Variants in SMYD3 observed in about 807,000 individuals in gnomAD.
SMYD3 encodes the protein histone-lysine N-methyltransferase SMYD3.
Under a neutral mutation model 57.7 loss-of-function variants are expected in SMYD3, and 36 were observed. The ratio of observed to expected loss-of-function variants is 0.62; its 90% confidence interval spans 0.48 to 0.82. SMYD3 has a LOEUF of 0.82. Ranked by LOEUF, SMYD3 falls within the 40% of genes least tolerant of loss-of-function variation. SMYD3 has a pLI of 0.00. For synonymous variants in SMYD3, 211 were observed against 195.0 expected (o/e 1.08, Z -0.68); for missense variants, 515 against 538.8 (o/e 0.96, Z 0.44).
intron 8 of SMYD3, among the ~76,000 whole-genome samples, chr1:245,878,204 G>A (rs938443261): frequency 6.6e-6 from 1 of 152,172 alleles, no homozygotes; most frequent in Admixed American, 6.5e-5. Flanking sequence ...GTGTGCAGAT[G>A]ACTCAAGGGG....
intron 5 of SMYD3, among the ~76,000 whole-genome samples, chr1:246,070,670 C>T (rs139086049): frequency 1.1e-4 from 17 of 152,168 alleles, no homozygotes; most frequent in South Asian, 8.3e-4. Flanking sequence ...AAGTGAATGG[C>T]GAGATAAAGT....
intron 1 of SMYD3, among the ~76,000 whole-genome samples, chr1:246,460,338 G>T (rs558440495): frequency 1.3e-5 from 2 of 152,208 alleles, no homozygotes; most frequent in African/African-American, 4.8e-5. Context: ...ATATGTCATG[G>T]TCTCTGCACT....
intron 8 of SMYD3, among the ~76,000 whole-genome samples, chr1:245,883,213 C>A (rs766396824): frequency 1.3e-5 from 2 of 152,060 alleles, no homozygotes; most frequent in Non-Finnish European, 2.9e-5. Flanking sequence ...GATACTAAAC[C>A]AACTGCATTA....
At chr1:245,888,445 T>C (rs140661955) in intron 8 of SMYD3, among the ~76,000 whole-genome samples, 13 of 152,320 alleles carry the variant, frequency 8.5e-5, no homozygotes, top group Non-Finnish European at 1.6e-4. Flanking sequence ...TTATTTACCT[T>C]TTAACCTTGC....
chr1:245,984,017 T>A (rs1471092355), intron 5 of SMYD3, among the ~76,000 whole-genome samples: 2 of 150,606 alleles, frequency 1.3e-5, no homozygotes, highest in African/African-American at 2.4e-5. Context: ...TTTTTTTTTT[T>A]AAATGGAGTT....
intron 5 of SMYD3, among the ~76,000 whole-genome samples, chr1:246,060,211 T>C (rs1198542815): frequency 1.3e-5 from 2 of 151,694 alleles, no homozygotes; most frequent in Non-Finnish European, 2.9e-5. Flanking sequence ...TGGCTTGAGC[T>C]CAAGAAGTTG....
chr1:246,235,300 G>A (rs569331147), intron 5 of SMYD3, among the ~76,000 whole-genome samples: 1 of 152,250 alleles, frequency 6.6e-6, no homozygotes, highest in Non-Finnish European at 1.5e-5. Flanking sequence ...CCCCAAAATT[G>A]AAGAATTAGT....
At chr1:246,323,890 C>A (rs2065291865) in intron 5 of SMYD3, among the ~76,000 whole-genome samples, 1 of 142,462 alleles carries the variant, frequency 7.0e-6, no homozygotes, top group Non-Finnish European at 1.5e-5. Context: ...AGGTTTAAAA[C>A]TCCGAAGAGA....
intron 5 of SMYD3, among the ~76,000 whole-genome samples, chr1:246,163,644 T>G (rs2062157836): frequency 6.6e-6 from 1 of 152,228 alleles, no homozygotes; most frequent in Non-Finnish European, 1.5e-5. Flanking sequence ...GTACTCAATG[T>G]TTATTAATTT....
rs567391061 is a variant in SMYD3 at position 246,488,799 on chromosome 1, T to G, written c.164+18255A>C. Among the ~76,000 whole-genome samples, 51 of 152,164 alleles carry G rather than the reference T, an allele frequency of 3.4e-4. 1 individual carries two copies. The highest frequency in any genetic ancestry group is 1.2e-3 in the African/African-American group (50 of 41,438). On this transcript the variant is annotated intron_variant, in intron 1 of 11. Transcript: ENST00000490107. ...TAGTGTCCTCAAACTTTAGTGCCAA[T>G]AAGACCAATAAAGTAGACAGAAGAC... is the stretch of plus-strand genomic sequence containing the variant.
intron 5 of SMYD3, among the ~76,000 whole-genome samples, chr1:246,114,754 C>T (rs561753123): frequency 1.3e-5 from 2 of 152,158 alleles, no homozygotes; most frequent in Non-Finnish European, 2.9e-5. Context: ...CCTCCGTTTC[C>T]CGAGGAGCTT....
At chr1:246,397,335 T>C (rs1289276508) in intron 1 of SMYD3, among the ~76,000 whole-genome samples, 2 of 152,162 alleles carry the variant, frequency 1.3e-5, no homozygotes, top group African/African-American at 2.4e-5. Flanking sequence ...CTCCAGTCTG[T>C]GGAAAAATGA....
At chr1:246,489,393 G>A (rs1286784638) in intron 1 of SMYD3, among the ~76,000 whole-genome samples, 1 of 152,104 alleles carries the variant, frequency 6.6e-6, no homozygotes, top group African/African-American at 2.4e-5. Flanking sequence ...CAATATTTCA[G>A]GTACTATCCT....
At chr1:246,255,073 A>G (rs2148507717) in intron 5 of SMYD3, among the ~76,000 whole-genome samples, 1 of 152,138 alleles carries the variant, frequency 6.6e-6, no homozygotes, top group East Asian at 1.9e-4. Context: ...TCACTTGCAA[A>G]GAGAAATAGT....
chr1:245,943,209 G>GTT (rs58081595), intron 5 of SMYD3, among the ~76,000 whole-genome samples: 3,175 of 115,308 alleles, frequency 0.028, 147 homozygotes, highest in African/African-American at 0.1. Flanking sequence ...CAGGGGCTGA[G>GTT]TTTTTTTTTT....
At chr1:246,253,677 T>G (rs1306173475) in intron 5 of SMYD3, among the ~76,000 whole-genome samples, 1 of 152,212 alleles carries the variant, frequency 6.6e-6, no homozygotes, top group African/African-American at 2.4e-5. Flanking sequence ...TTTTACTTCC[T>G]TGGTTGGATG....
rs1399622973 is a variant in SMYD3, at chr1:246,277,315, C to T, written c.531+49886G>A. On this transcript the variant is annotated intron_variant, in intron 5 of 11. Transcript: ENST00000490107. Reference sequence around the variant, plus strand: ...CCAACTAAAACCACAATATAACGTCCTTGCACACTGTTACAATGGCTAAAA... The same window carrying T: ...CCAACTAAAACCACAATATAACGTCTTTGCACACTGTTACAATGGCTAAAA... Among the ~76,000 whole-genome samples, 2 of 152,156 alleles carry T rather than the reference C, an allele frequency of 1.3e-5. 1 individual carries two copies.
chr1:246,190,674 AT>A (rs2062723434), intron 5 of SMYD3, among the ~76,000 whole-genome samples: 1 of 151,794 alleles, frequency 6.6e-6, no homozygotes, highest in Admixed American at 6.6e-5. Flanking sequence ...ATTAGACTAA[AT>A]TTTTTAAAAA....
intron 10 of SMYD3, among the ~76,000 whole-genome samples, chr1:245,795,250 A>C (rs1185555252): frequency 1.3e-5 from 2 of 152,170 alleles, no homozygotes; most frequent in African/African-American, 4.8e-5. Flanking sequence ...TGTGTCTGGG[A>C]TCTTATACCT....
Sources: allele counts gnomAD v4.1 joint callset (sites outside exome capture counted in the v4.1 genomes callset), GRCh38; gene constraint gnomAD v4.1.1; transcripts MANE v1.5; gene names NCBI Gene and HGNC (gene_info 2026-07-23, HGNC 2026-07-21).